The following NTM variants were observed in gnomAD, a reference collection of about 807,000 sequenced individuals.
NTM encodes the protein IgLON family member 2.
NTM carries 13 observed loss-of-function variants against 42.1 expected under a neutral mutation model. That is an observed-to-expected ratio of 0.31 (90% CI 0.20 to 0.49). NTM has a LOEUF of 0.49. Ranked by LOEUF, NTM falls within the 20% of genes least tolerant of loss-of-function variation. NTM has a pLI of 0.99. For missense variants in NTM, 373 were observed against 452.8 expected, an observed-to-expected ratio of 0.82 and a Z score of 1.60; for synonymous variants, 187 against 179.2, an observed-to-expected ratio of 1.04 and a Z score of -0.35.
intron 1 of NTM, among the ~76,000 whole-genome samples, chr11:131,458,516 C>T: frequency 6.6e-6 from 1 of 152,204 alleles, no homozygotes; most frequent in East Asian, 1.9e-4. Flanking sequence ...CAGCCTCTCT[C>T]CCTACCCAAC....
chr11:132,132,786 C>A (rs990011709), intron 2 of NTM, among the ~76,000 whole-genome samples: 1 of 152,124 alleles, frequency 6.6e-6, no homozygotes, highest in African/African-American at 2.4e-5. Context: ...GAGAGAAGCA[C>A]CCCACTGGAC....
chr11:131,402,106 T>C (rs889884180), intron 1 of NTM, among the ~76,000 whole-genome samples: 3 of 151,264 alleles, frequency 2.0e-5, no homozygotes, highest in African/African-American at 7.3e-5. Flanking sequence ...GGGCAAAGGG[T>C]CGTCATTGAC....
intron 4 of NTM, among the ~76,000 whole-genome samples, chr11:132,224,249 C>T (rs2085733591): frequency 6.6e-6 from 1 of 152,092 alleles, no homozygotes; most frequent in African/African-American, 2.4e-5. Context: ...CAGGAAACAG[C>T]TGGGTTTCAA....
At chr11:131,694,123 A>G (rs2075135498) in intron 1 of NTM, among the ~76,000 whole-genome samples, 1 of 152,202 alleles carries the variant, frequency 6.6e-6, no homozygotes, top group African/African-American at 2.4e-5. Context: ...TGAAGGCTCA[A>G]TGAGACAGTA....
intron 6 of NTM, chr11:132,312,380 G>A (rs906766565): frequency 6.6e-6 from 1 of 152,216 alleles, no homozygotes; most frequent in Non-Finnish European, 1.5e-5. Context: ...TATTGTATGT[G>A]TTATCCAACA....
intron 1 of NTM, among the ~76,000 whole-genome samples, chr11:131,872,248 G>C (rs905718806): frequency 6.6e-6 from 1 of 152,186 alleles, no homozygotes; most frequent in Admixed American, 6.5e-5. Flanking sequence ...TTAACCTTGA[G>C]AAAGTCCTCC....
At chr11:131,528,596 G>A (rs1410833257) in intron 1 of NTM, among the ~76,000 whole-genome samples, 1 of 152,226 alleles carries the variant, frequency 6.6e-6, no homozygotes, top group East Asian at 1.9e-4. Flanking sequence ...TTGAATGAAT[G>A]TTGTGTTAAG....
chr11:131,780,635 A>T (rs2087910911), intron 1 of NTM, among the ~76,000 whole-genome samples: 1 of 152,186 alleles, frequency 6.6e-6, no homozygotes, highest in Admixed American at 6.5e-5. Context: ...TATGCTTGAC[A>T]CTTCTATACT....
chr11:131,909,502 A>C (rs936122156), intron 1 of NTM, among the ~76,000 whole-genome samples: 13 of 152,300 alleles, frequency 8.5e-5, no homozygotes, highest in African/African-American at 3.1e-4. Context: ...TGTTTGATAG[A>C]GTCTAGGGGA....
At chr11:132,293,108 G>A (rs564882733) in intron 4 of NTM, among the ~76,000 whole-genome samples, 6 of 152,048 alleles carry the variant, frequency 3.9e-5, no homozygotes, top group Admixed American at 6.6e-5. Context: ...GTAGGAGTGA[G>A]GATGCAGATG....
rs535184057 is a variant in NTM at position 131,473,577 on chromosome 11, A to G, written c.82+102689A>G. On this transcript the variant is annotated intron_variant, in intron 1 of 8. Coordinates refer to ENST00000683400, the MANE Select transcript of NTM (RefSeq NM_001352005.2). ...ATATTAGAAGAACTAGAGAGTGGAC[A>G]TTACTTAGAATTTCCTAGCTGCAAG... is the stretch of plus-strand genomic sequence containing the variant. Among the ~76,000 whole-genome samples the G allele has an allele frequency of 9.8e-5, 15 of 152,292 alleles. No individual in the cohort carries two copies. The South Asian group carries it at 3.1e-3, about 32-fold the overall frequency.
At chr11:132,246,252 G>A (rs76400718) in intron 4 of NTM, among the ~76,000 whole-genome samples, 1,551 of 152,340 alleles carry the variant, frequency 0.01, 31 homozygotes, top group African/African-American at 0.036. Flanking sequence ...CTGCCCGGTG[G>A]CCCACGGAGG....
At chr11:132,288,932 ATTTATC>A (rs1409510202) in intron 4 of NTM, among the ~76,000 whole-genome samples, 3 of 152,038 alleles carry the variant, frequency 2.0e-5, no homozygotes, top group African/African-American at 4.8e-5. Context: ...GATAATTTCT[ATTTATC>A]TTTAAGTTTA....
intron 2 of NTM, among the ~76,000 whole-genome samples, chr11:132,127,209 A>G (rs1054578778): frequency 1.3e-5 from 2 of 152,206 alleles, no homozygotes; most frequent in African/African-American, 2.4e-5. Flanking sequence ...AGAAAAACAT[A>G]CCTTGGCAGG....
intron 1 of NTM, among the ~76,000 whole-genome samples, chr11:131,825,396 G>T (rs1471441398): frequency 6.6e-6 from 1 of 151,972 alleles, no homozygotes; most frequent in African/African-American, 2.4e-5. Flanking sequence ...GGTGGTGGGG[G>T]GTGGGGACAA....
intron 1 of NTM, among the ~76,000 whole-genome samples, chr11:131,764,615 A>G (rs1212286750): frequency 6.6e-6 from 1 of 152,210 alleles, no homozygotes; most frequent in African/African-American, 2.4e-5. Context: ...ATATCAAAAA[A>G]GGGGATAATT....
At chr11:131,732,110 C>T (rs1373842722) in intron 1 of NTM, among the ~76,000 whole-genome samples, 1 of 152,056 alleles carries the variant, frequency 6.6e-6, no homozygotes, top group Non-Finnish European at 1.5e-5. Flanking sequence ...ATTAAAGAAC[C>T]TGTTTTATAG....
intron 1 of NTM, among the ~76,000 whole-genome samples, chr11:131,509,683 A>T (rs1195809412): frequency 6.6e-6 from 1 of 152,170 alleles, no homozygotes; most frequent in Non-Finnish European, 1.5e-5. Flanking sequence ...CTAGTTCTTT[A>T]CCACACACAA....
intron 1 of NTM, among the ~76,000 whole-genome samples, chr11:131,676,706 A>G (rs2071470857): frequency 6.6e-6 from 1 of 152,018 alleles, no homozygotes; most frequent in Non-Finnish European, 1.5e-5. Context: ...TTCTTCGTTG[A>G]AAATTTTAAA....
Sources: gnomAD v4.1 joint callset for allele counts (sites outside exome capture counted in the v4.1 genomes callset) on GRCh38, gnomAD v4.1.1 for gene constraint, MANE v1.5 for transcripts, NCBI Gene and HGNC (gene_info 2026-07-23, HGNC 2026-07-21) for gene names.